ARNT2: variants seen among roughly 807,000 people sequenced by gnomAD.
ARNT2 encodes aryl hydrocarbon receptor nuclear translocator 2.
ARNT2 carries 36 observed loss-of-function variants against 91.7 expected under a neutral mutation model. That is an observed-to-expected ratio of 0.39 (90% CI 0.30 to 0.52). ARNT2 has a LOEUF of 0.52. Among genes scored for constraint, ARNT2 ranks in the 20% least tolerant of loss-of-function variants. ARNT2 has a pLI of 0.72. For missense variants in ARNT2, 775 were observed against 939.3 expected, an observed-to-expected ratio of 0.83 and a Z score of 2.29; for synonymous variants, 365 against 347.1, an observed-to-expected ratio of 1.05 and a Z score of -0.57.
chr15:80,532,500 A>T (rs758199065), intron 8 of ARNT2, among the ~76,000 whole-genome samples: 1 of 152,126 alleles, frequency 6.6e-6, no homozygotes, highest in East Asian at 1.9e-4. Context: ...GTGTCTTCCT[A>T]TATGAAGAGG....
chr15:80,574,236 A>G lies in ARNT2; in HGVS notation c.1389+16A>G. On this transcript the variant is annotated intron_variant, in intron 13 of 18. Transcript: ENST00000303329. Reference sequence around the variant, plus strand: ...CTTATCCCAGGTGAGTTTCTGGAAAACCCTTTCCCTGTTGGAATTGTCTCC... The same window carrying G: ...CTTATCCCAGGTGAGTTTCTGGAAAGCCCTTTCCCTGTTGGAATTGTCTCC... 1 of 1,612,204 alleles carries G rather than the reference A, an allele frequency of 6.2e-7. No individual in the cohort carries two copies. The highest frequency in any genetic ancestry group is 8.5e-7 in the Non-Finnish European group (1 of 1,178,384).
intron 17 of ARNT2, among the ~76,000 whole-genome samples, chr15:80,582,841 C>A (rs1320700970): frequency 6.6e-6 from 1 of 152,194 alleles, no homozygotes; most frequent in Non-Finnish European, 1.5e-5. Context: ...AGCCCAGAAT[C>A]CTGTTTCTCA....
chr15:80,491,223 G>A (rs1897052229), intron 5 of ARNT2, among the ~76,000 whole-genome samples: 1 of 152,284 alleles, frequency 6.6e-6, no homozygotes, highest in East Asian at 1.9e-4. Flanking sequence ...CTGAGACTGG[G>A]AAGAAAAAGA....
At chr15:80,530,292 A>G (rs1897714842) in intron 8 of ARNT2, among the ~76,000 whole-genome samples, 1 of 152,192 alleles carries the variant, frequency 6.6e-6, no homozygotes, top group Admixed American at 6.5e-5. Flanking sequence ...ACCAAGGCTG[A>G]CGGTGGGAAG....
At chr15:80,467,812 C>T (rs1431887839) in intron 3 of ARNT2, among the ~76,000 whole-genome samples, 2 of 152,150 alleles carry the variant, frequency 1.3e-5, no homozygotes, top group Non-Finnish European at 2.9e-5. Context: ...TCGTGACAAG[C>T]TCCTGGCTGA....
chr15:80,473,827 G>A (rs951614860), intron 4 of ARNT2, among the ~76,000 whole-genome samples: 3 of 152,166 alleles, frequency 2.0e-5, no homozygotes, highest in Non-Finnish European at 2.9e-5. Flanking sequence ...GATTTGGGGC[G>A]CCAGACTCTC....
intron 8 of ARNT2, among the ~76,000 whole-genome samples, chr15:80,538,685 G>GA (rs1897859782): frequency 6.6e-6 from 1 of 151,770 alleles, no homozygotes; most frequent in African/African-American, 2.4e-5. Flanking sequence ...AATGAAAATA[G>GA]AAAAAGAATA....
At chr15:80,425,697 C>T (rs1409643515) in intron 1 of ARNT2, among the ~76,000 whole-genome samples, 1 of 152,074 alleles carries the variant, frequency 6.6e-6, no homozygotes, top group Admixed American at 6.5e-5. Flanking sequence ...CCTCCCCTCA[C>T]CCTCCACCTG....
chr15:80,501,060 G>C (rs1566988221), intron 5 of ARNT2, among the ~76,000 whole-genome samples: 1 of 152,180 alleles, frequency 6.6e-6, no homozygotes, highest in Non-Finnish European at 1.5e-5. Context: ...ATAGTTCCCT[G>C]TGAGCTTTAG....
At chr15:80,564,924 CTTT>C (rs66830115) in intron 12 of ARNT2, among the ~76,000 whole-genome samples, 8 of 146,284 alleles carry the variant, frequency 5.5e-5, no homozygotes, top group African/African-American at 2.5e-5. Flanking sequence ...TCTTCTTCTC[CTTT>C]TTTTTTTTTT....
In ARNT2 at chr15:80,450,894, A is replaced by T. The variant is rs150444467; in HGVS notation, c.46A>T (p.Ile16Leu). Residue 16 changes from isoleucine (I) to leucine (L), a missense_variant, in exon 2 of 19, where the codon ATA becomes TTA. Physicochemically the swap from Ile to Leu is conservative, Grantham distance 5 (BLOSUM62 2). Transcript: ENST00000303329. ...CTGAATTCCAGAAATGGCTTCAGAC[A>T]TACCTGGATCTGTGACGTTGCCCGT... ...AVNPPEMASD[I>L]PGSVTLPVAP... The T allele has an allele frequency of 2.5e-6, 4 of 1,614,102 alleles. No individual in the cohort carries two copies. The highest frequency in any genetic ancestry group is 2.5e-6 in the Non-Finnish European group (3 of 1,180,046).
intron 6 of ARNT2, among the ~76,000 whole-genome samples, chr15:80,509,673 A>T (rs1346292817): frequency 6.6e-6 from 1 of 152,146 alleles, no homozygotes; most frequent in African/African-American, 2.4e-5. Context: ...GGAGGGGAAG[A>T]CATCACTGAT....
At chr15:80,576,117 C>T (rs1280369724) in intron 14 of ARNT2, among the ~76,000 whole-genome samples, 2 of 152,122 alleles carry the variant, frequency 1.3e-5, no homozygotes, top group Non-Finnish European at 2.9e-5. Flanking sequence ...CAAGGTTGCA[C>T]CTCTTACCTT....
chr15:80,494,772 C>A (rs1464603750), intron 5 of ARNT2, among the ~76,000 whole-genome samples: 1 of 152,140 alleles, frequency 6.6e-6, no homozygotes, highest in African/African-American at 2.4e-5. Context: ...GTATGGCCTG[C>A]CATTCATGTT....
At chr15:80,561,194 A>G (rs1898339807) in intron 11 of ARNT2, among the ~76,000 whole-genome samples, 1 of 152,118 alleles carries the variant, frequency 6.6e-6, no homozygotes, top group Non-Finnish European at 1.5e-5. Context: ...GGTGTGAGGA[A>G]TGGGTGAGTC....
At chr15:80,498,221 G>A (rs1467259840) in intron 5 of ARNT2, among the ~76,000 whole-genome samples, 1 of 152,180 alleles carries the variant, frequency 6.6e-6, no homozygotes, top group Admixed American at 6.5e-5. Flanking sequence ...GATGGCACAC[G>A]ATTTTTTTCT....
At chr15:80,411,766 G>A (rs1895683357) in intron 1 of ARNT2, among the ~76,000 whole-genome samples, 1 of 152,040 alleles carries the variant, frequency 6.6e-6, no homozygotes, top group Non-Finnish European at 1.5e-5. Flanking sequence ...GCAGGTGGGT[G>A]GGTGAGGAGG....
At chr15:80,503,426 G>A (rs1250148918) in intron 5 of ARNT2, among the ~76,000 whole-genome samples, 2 of 152,226 alleles carry the variant, frequency 1.3e-5, no homozygotes, top group East Asian at 1.9e-4. Context: ...AACCGGAGAA[G>A]CACACAGAGA....
Position 80,514,333 on chromosome 15 carries a change from C to T in ARNT2, c.805C>T (p.Pro269Ser). The T allele has an allele frequency of 6.2e-7, 1 of 1,614,056 alleles. No individual in the cohort carries two copies. Among genetic ancestry groups the T allele is most frequent in the Non-Finnish European group, 8.5e-7 (1 of 1,180,004 alleles). Reference protein sequence around the residue: ...MRKRFRNGLGPVKEGEAQYAV... With the variant: ...MRKRFRNGLGSVKEGEAQYAV... ...GTTCTTTTTTAGGAATGGCCTTGGC[C>T]CTGTGAAAGAAGGAGAAGCCCAATA... The change falls in exon 8 of 19, where the codon CCT becomes TCT. Residue 269 changes from proline (P) to serine (S), a missense_variant. By Grantham distance (74) the Pro-to-Ser change is moderately conservative (BLOSUM62 -1). This residue lies in a region of ARNT2 where 285 missense variants were observed against 327.2 expected (regional missense o/e 0.87). Coordinates refer to ENST00000303329, the MANE Select transcript of ARNT2 (RefSeq NM_014862.4).
Sources: allele counts gnomAD v4.1 joint callset (sites outside exome capture counted in the v4.1 genomes callset), GRCh38; gene constraint gnomAD v4.1.1; regional missense constraint gnomAD v4.1.1; transcripts MANE v1.5; gene names NCBI Gene and HGNC (gene_info 2026-07-23, HGNC 2026-07-21).